The following HEPHL1 variants were observed in gnomAD, a reference collection of about 807,000 sequenced individuals.
HEPHL1 encodes hephaestin like 1, also known as ferroxidase HEPHL1.
A neutral mutation model predicts 122.0 loss-of-function variants in HEPHL1; 123 were observed. The ratio of observed to expected loss-of-function variants is 1.01; its 90% CI spans 0.87 to 1.17. The LOEUF is 1.17. Ranked by LOEUF, HEPHL1 falls within the 50% of genes most tolerant of loss-of-function variation. HEPHL1 has a pLI of 0.00. For synonymous variants in HEPHL1, 527 were observed against 508.9 expected, an observed-to-expected ratio of 1.04 and a Z score of -0.48; for missense variants, 1,452 against 1,430.5, an observed-to-expected ratio of 1.01 and a Z score of -0.24.
chr11:94,051,356 G>A (rs1437166958), intron 2 of HEPHL1, among the ~76,000 whole-genome samples: 1 of 152,074 alleles, frequency 6.6e-6, no homozygotes, highest in East Asian at 1.9e-4. Flanking sequence ...TAACTGGGTT[G>A]GGAGAATATC....
At chr11:94,078,137 G>T (rs1591479976) in intron 9 of HEPHL1, among the ~76,000 whole-genome samples, 1 of 152,114 alleles carries the variant, frequency 6.6e-6, no homozygotes, top group Non-Finnish European at 1.5e-5. Context: ...AATATTTCTG[G>T]TTGGATAAAT....
At chr11:94,062,869 A>G (rs560909459) in intron 2 of HEPHL1, among the ~76,000 whole-genome samples, 2 of 152,064 alleles carry the variant, frequency 1.3e-5, no homozygotes, top group Admixed American at 1.3e-4. Flanking sequence ...GCCCCTGCCC[A>G]CTCTGTGGTG....
In HEPHL1 at chr11:94,067,694, T is replaced by C. The variant is rs1565353459; in HGVS notation, c.1007T>C (p.Ile336Thr). The C allele has an allele frequency of 6.2e-7, 1 of 1,613,766 alleles. No homozygotes were observed. The highest frequency in any genetic ancestry group is 2.2e-5 in the East Asian group (1 of 44,866). ...GCCACCTTCCTTACAACAGAAATGA[T>C]AGCCGAGAATCCTGGGAAGTGGATG... Reference protein sequence around the residue: ...FPATFLTTEMIAENPGKWMIT... With the variant: ...FPATFLTTEMTAENPGKWMIT... Residue 336 changes from isoleucine (I) to threonine (T), a missense_variant, in exon 5 of 20, where the codon ATA (isoleucine) becomes ACA (threonine). Physicochemically the swap from Ile to Thr is moderately conservative, Grantham distance 89. Transcript: ENST00000315765.
At chr11:94,091,650 G>A (rs1946264361) in intron 12 of HEPHL1, among the ~76,000 whole-genome samples, 1 of 152,194 alleles carries the variant, frequency 6.6e-6, no homozygotes, top group Non-Finnish European at 1.5e-5. Context: ...TCTATGAGAG[G>A]GGAAGGGTAG....
chr11:94,037,739 C>T (rs540200268), intron 1 of HEPHL1, among the ~76,000 whole-genome samples: 35 of 151,862 alleles, frequency 2.3e-4, no homozygotes, highest in East Asian at 5.8e-4. Flanking sequence ...TCATCAAAGA[C>T]GAAAAGTAGA....
At chr11:94,037,225 C>A (rs944157002) in intron 1 of HEPHL1, among the ~76,000 whole-genome samples, 1 of 152,134 alleles carries the variant, frequency 6.6e-6, no homozygotes, top group African/African-American at 2.4e-5. Flanking sequence ...CCTACGCCCA[C>A]GGAGTCTCGC....
chr11:94,101,838 T>C (rs1946369726), intron 14 of HEPHL1, among the ~76,000 whole-genome samples: 1 of 152,206 alleles, frequency 6.6e-6, no homozygotes, highest in African/African-American at 2.4e-5. Context: ...AGCTCCCCCT[T>C]ATCACGGTTT....
chr11:94,098,404 C>T (rs1428586999), intron 13 of HEPHL1, among the ~76,000 whole-genome samples: 1 of 152,206 alleles, frequency 6.6e-6, no homozygotes, highest in East Asian at 1.9e-4. Context: ...ATGGGCTTCC[C>T]TTTGTGGGTA....
intron 13 of HEPHL1, among the ~76,000 whole-genome samples, chr11:94,099,576 G>T (rs894143851): frequency 6.6e-6 from 1 of 152,214 alleles, no homozygotes; most frequent in Non-Finnish European, 1.5e-5. Flanking sequence ...AGAGGTTTCT[G>T]CTGCCTTTTG....
chr11:94,030,954 G>C (rs754828752), intron 1 of HEPHL1, among the ~76,000 whole-genome samples: 6 of 152,168 alleles, frequency 3.9e-5, no homozygotes, highest in Non-Finnish European at 5.9e-5. Flanking sequence ...AGCAGGGATA[G>C]TGAGCAGATG....
chr11:94,109,546 G>C (rs1946432692), intron 17 of HEPHL1, among the ~76,000 whole-genome samples: 1 of 152,102 alleles, frequency 6.6e-6, no homozygotes, highest in Non-Finnish European at 1.5e-5. Flanking sequence ...TCAGAGTTTT[G>C]ATCATCAACA....
At chr11:94,087,008 G>T (rs768291762) in intron 11 of HEPHL1, among the ~76,000 whole-genome samples, 10 of 152,170 alleles carry the variant, frequency 6.6e-5, no homozygotes, top group Non-Finnish European at 1.2e-4. Flanking sequence ...CACTGGAACT[G>T]CAGTTTAGAT....
At chr11:94,100,106 C>A (rs150861116) in intron 13 of HEPHL1, among the ~76,000 whole-genome samples, 3,685 of 152,264 alleles carry the variant, frequency 0.024, 153 homozygotes, top group African/African-American at 0.085. Flanking sequence ...GCGTCGCTCA[C>A]ACTGGGAGCT....
chr11:94,098,262 C>T (rs1946336050), intron 13 of HEPHL1, among the ~76,000 whole-genome samples: 1 of 151,540 alleles, frequency 6.6e-6, no homozygotes, highest in African/African-American at 2.4e-5. Flanking sequence ...TTTTATTTCT[C>T]CACTTATGAA....
chr11:94,095,900 C>G (rs1048852042), intron 13 of HEPHL1, among the ~76,000 whole-genome samples: 3 of 152,176 alleles, frequency 2.0e-5, no homozygotes, highest in Admixed American at 1.3e-4. Flanking sequence ...AGTTGCTTAT[C>G]AGCTTAAGGA....
intron 13 of HEPHL1, among the ~76,000 whole-genome samples, chr11:94,094,411 G>A (rs1397496069): frequency 6.6e-6 from 1 of 152,000 alleles, no homozygotes; most frequent in African/African-American, 2.4e-5. Flanking sequence ...TTGGACATTT[G>A]GGTTGGTTCC....
chr11:94,077,182 A>G (rs1393246943), intron 9 of HEPHL1, among the ~76,000 whole-genome samples: 2 of 152,156 alleles, frequency 1.3e-5, no homozygotes, highest in East Asian at 3.8e-4. Flanking sequence ...TCTGACATAA[A>G]CAAAGTAAAA....
At chr11:94,066,051 A>T (rs1033311143) in intron 4 of HEPHL1, among the ~76,000 whole-genome samples, 2 of 152,000 alleles carry the variant, frequency 1.3e-5, no homozygotes, top group Non-Finnish European at 2.9e-5. Context: ...AAAAAAAATC[A>T]GCTGGGCATA....
intron 2 of HEPHL1, chr11:94,055,334 G>A: frequency 7.6e-6 from 2 of 262,082 alleles, no homozygotes; most frequent in Admixed American, 4.0e-5. Flanking sequence ...GATGTGTCAA[G>A]GACACATCAT....
Sources: allele counts gnomAD v4.1 joint callset (sites outside exome capture counted in the v4.1 genomes callset), GRCh38; gene constraint gnomAD v4.1.1; transcripts MANE v1.5; gene names NCBI Gene and HGNC (gene_info 2026-07-23, HGNC 2026-07-21).